The following RPS6KA3 variants were observed in gnomAD, a reference collection of about 807,000 sequenced individuals.
RPS6KA3 encodes ribosomal protein S6 kinase alpha-3.
In RPS6KA3, 4 loss-of-function variants were observed where a neutral mutation model predicts 67.2. The ratio of observed to expected loss-of-function variants is 0.06; its 90% CI spans 0.03 to 0.14. The LOEUF (loss-of-function observed/expected upper bound fraction) is 0.14, where lower values mean the gene tolerates loss of function less well. RPS6KA3 is among the 10% of genes least tolerant of loss of function. The probability of loss-of-function intolerance (pLI) is 1.00; values close to 1 mark genes in which losing one functional copy is unlikely to be tolerated. For synonymous variants in RPS6KA3, 182 were observed against 183.7 expected (o/e 0.99, Z 0.07); for missense variants, 204 against 559.0 (o/e 0.36, Z 6.40).
At position 20,191,281 on chromosome X, in the gene RPS6KA3, T is replaced by C. The variant is rs2068119374; in HGVS notation, c.593+2206A>G. On this transcript the variant is annotated intron_variant, in intron 7 of 21. Coordinates refer to ENST00000379565, the MANE Select transcript of RPS6KA3 (RefSeq NM_004586.3). ...TATCCAGTCTATCATTGATGGGCAT[T>C]TGGGTTGGTTCCAAGTCTTTGCTAT... Among the ~76,000 whole-genome samples the C allele has an allele frequency of 4.5e-5, 5 of 111,917 alleles. No individual in the cohort carries two copies. In the South Asian group the frequency reaches 1.9e-3, roughly 42 times the overall value.
chrX:20,245,788 T>C (rs755092011), intron 1 of RPS6KA3, among the ~76,000 whole-genome samples: 1 of 111,574 alleles, frequency 9.0e-6, no homozygotes, highest in East Asian at 2.8e-4. Context: ...AAGTATATTA[T>C]TTTTTAAACA....
upstream of RPS6KA3, chrX:20,266,938 C>G (rs1387595413): frequency 2.9e-6 from 2 of 701,342 alleles, no homozygotes; most frequent in Non-Finnish European, 3.4e-6. Flanking sequence ...GCCGGGACTA[C>G]GGCTCCGCCC....
chrX:20,181,087 C>G (rs2067831557), intron 10 of RPS6KA3, among the ~76,000 whole-genome samples: 1 of 111,252 alleles, frequency 9.0e-6, no homozygotes, highest in African/African-American at 3.3e-5. Context: ...AAGAAAACAC[C>G]CATATTTTTA....
chrX:20,163,126 T>C (rs1415546064), intron 18 of RPS6KA3, 86 bp from the exon 19 acceptor site: 1 of 624,981 alleles, frequency 1.6e-6, no homozygotes, highest in Non-Finnish European at 2.7e-6. Flanking sequence ...ATATTCCAAA[T>C]CAACACCTAT....
At chrX:20,225,150 G>C (rs1356434584) in intron 2 of RPS6KA3, among the ~76,000 whole-genome samples, 1 of 108,497 alleles carries the variant, frequency 9.2e-6, no homozygotes, top group Non-Finnish European at 1.9e-5. Context: ...GTATTGTGAT[G>C]AATATACTAG....
At chrX:20,201,431 G>A (rs1466973934) in intron 4 of RPS6KA3, among the ~76,000 whole-genome samples, 1 of 111,642 alleles carries the variant, frequency 9.0e-6, no homozygotes, top group African/African-American at 3.3e-5. Context: ...GAGCCACTGT[G>A]CCCAGCAAAC....
intron 2 of RPS6KA3, among the ~76,000 whole-genome samples, chrX:20,216,967 A>G (rs1457394683): frequency 1.8e-5 from 2 of 112,338 alleles, no homozygotes; most frequent in Non-Finnish European, 3.8e-5. Context: ...AGAGATACTA[A>G]GACAATTTAC....
intron 1 of RPS6KA3, among the ~76,000 whole-genome samples, chrX:20,255,157 AGAAT>A (rs1286949997): frequency 8.9e-6 from 1 of 112,405 alleles, no homozygotes. Context: ...GCCACATAAA[AGAAT>A]GAAGTCTTCC....
intron 1 of RPS6KA3, among the ~76,000 whole-genome samples, chrX:20,250,079 T>C (rs145168533): frequency 0.023 from 2,598 of 112,426 alleles, 85 homozygotes; most frequent in African/African-American, 0.08. Context: ...TACGTGGGTC[T>C]ATTTCTTGTT....
rs2068024149 is a variant in RPS6KA3, at chrX:20,187,816, T to G, written c.774+12A>C. 8.3e-7 allele frequency: 1 copy of G among 1,203,787 alleles called. No individual in the cohort carries two copies. The highest frequency in any genetic ancestry group is 1.7e-5 in the African/African-American group (1 of 57,495). ...TCCTTCCCCTCTAAAAAATCCCAAA[T>G]TCAAACCTTACCATTAACACACCAA... On this transcript the variant is annotated intron_variant, in intron 9 of 21. Coordinates refer to ENST00000379565, the MANE Select transcript of RPS6KA3 (RefSeq NM_004586.3).
At chrX:20,208,093 G>C (rs1157419907) in intron 3 of RPS6KA3, among the ~76,000 whole-genome samples, 2 of 110,600 alleles carry the variant, frequency 1.8e-5, no homozygotes, top group East Asian at 5.7e-4. Flanking sequence ...GCGGTGGGAG[G>C]GGGAGATGAT....
intron 7 of RPS6KA3, among the ~76,000 whole-genome samples, chrX:20,192,025 C>T (rs992017457): frequency 9.0e-6 from 1 of 111,205 alleles, no homozygotes; most frequent in Non-Finnish European, 1.9e-5. Context: ...CTTGGTCTCC[C>T]GAAGTGCTGG....
intron 4 of RPS6KA3, among the ~76,000 whole-genome samples, chrX:20,198,407 A>G (rs1444146525): frequency 1.8e-5 from 2 of 112,305 alleles, no homozygotes; most frequent in Non-Finnish European, 3.8e-5. Flanking sequence ...AGGCATTTGG[A>G]GAAAGGCTCT....
At position 20,203,978 on chromosome X, in the gene RPS6KA3, T is replaced by A. The variant is rs745334698; in HGVS notation, c.325+44A>T. 35 of 994,388 alleles carry A rather than the reference T, an allele frequency of 3.5e-5. No individual in the cohort carries two copies. The South Asian group carries it at 6.7e-4, about 19-fold the overall frequency. The allele number at this position is 994,388 out of a possible 1,213,427, so 81.9% of individuals were successfully genotyped here. A position where few individuals can be genotyped will look rare whatever the true frequency, so the allele number is the denominator to read the frequency against. ...CATGAGCTCTATTGAGACCTTTCAG[T>A]TTGTTTAGACTACATGAACATTACA... On this transcript the variant is annotated intron_variant, in intron 4 of 21. Transcript: ENST00000379565.
chrX:20,249,102 T>C (rs1035720398), intron 1 of RPS6KA3, among the ~76,000 whole-genome samples: 1 of 112,256 alleles, frequency 8.9e-6, no homozygotes, highest in Non-Finnish European at 1.9e-5. Context: ...TCACTCAGCA[T>C]AAATCCCTTG....
At chrX:20,179,797 T>C (rs2067797080) in intron 10 of RPS6KA3, among the ~76,000 whole-genome samples, 1 of 111,363 alleles carries the variant, frequency 9.0e-6, no homozygotes, top group African/African-American at 3.3e-5. Flanking sequence ...ATAATAATAA[T>C]AGAAAATCAT....
At chrX:20,185,593 G>T (rs1179059713) in intron 10 of RPS6KA3, among the ~76,000 whole-genome samples, 3 of 111,333 alleles carry the variant, frequency 2.7e-5, no homozygotes, top group Non-Finnish European at 5.7e-5. Context: ...TTGCTATGTT[G>T]TGCAGGCTGA....
chrX:20,214,797 A>AT (rs1208877935), intron 2 of RPS6KA3, among the ~76,000 whole-genome samples: 1 of 92,177 alleles, frequency 1.1e-5, no homozygotes, highest in Non-Finnish European at 2.2e-5. Context: ...CCTTTATGTC[A>AT]TTTTTTTCTC....
intron 7 of RPS6KA3, among the ~76,000 whole-genome samples, chrX:20,190,457 C>T: frequency 8.9e-6 from 1 of 112,082 alleles, no homozygotes; most frequent in Non-Finnish European, 1.9e-5. Flanking sequence ...ATCTTATTTA[C>T]ATCTGATCTT....
Sources: allele counts gnomAD v4.1 joint callset (sites outside exome capture counted in the v4.1 genomes callset), GRCh38; gene constraint gnomAD v4.1.1; transcripts MANE v1.5; gene names NCBI Gene and HGNC (gene_info 2026-07-23, HGNC 2026-07-21).